Variants in PTPRG observed in about 807,000 individuals in gnomAD.
PTPRG encodes protein tyrosine phosphatase receptor type G.
Under a neutral mutation model 165.3 loss-of-function variants are expected in PTPRG, and 102 were observed. That is an observed-to-expected ratio of 0.62 (90% CI 0.53 to 0.73). PTPRG has a LOEUF of 0.73. Ranked by LOEUF, PTPRG falls within the 30% of genes least tolerant of loss-of-function variation. The pLI is 0.00. For missense variants in PTPRG, 1,866 were observed against 1,861.4 expected, an observed-to-expected ratio of 1.00 and a Z score of -0.05; for synonymous variants, 675 against 669.5, an observed-to-expected ratio of 1.01 and a Z score of -0.13.
intron 2 of PTPRG, among the ~76,000 whole-genome samples, chr3:61,883,171 A>G (rs2037936375): frequency 6.6e-6 from 1 of 152,198 alleles, no homozygotes; most frequent in Non-Finnish European, 1.5e-5. Flanking sequence ...TTATCATTGT[A>G]AAGGTTTATC....
intron 2 of PTPRG, chr3:61,749,184 A>G (rs1469665667): frequency 1.0e-5 from 7 of 674,414 alleles, no homozygotes; most frequent in Non-Finnish European, 1.6e-5. Context: ...TGTTTCCTCA[A>G]CCTGTTTTCC....
intron 2 of PTPRG, among the ~76,000 whole-genome samples, chr3:61,939,812 C>T (rs1279894618): frequency 6.6e-6 from 1 of 151,432 alleles, no homozygotes; most frequent in African/African-American, 2.4e-5. Context: ...GCTCCATGGG[C>T]TTTGCAATGT....
Position 62,203,598 on chromosome 3 carries a change from G to A in PTPRG, c.1803G>A (p.Lys601=), listed in dbSNP as rs1700148804. ...GGGAGCACGAGGAGGATGGAGAGAA[G>A]GACTCCGAAAAGAAGGAGAAGAGTG... is the stretch of plus-strand genomic sequence containing the variant. ...GEREHEEDGE[K]DSEKKEKSGV... is the part of the protein sequence containing the mutation. Residue 601 remains lysine, a synonymous_variant, in exon 12 of 30, where the codon AAG becomes AAA. Transcript: ENST00000474889. The surrounding 1 kb of genome is among the most constrained non-coding windows in gnomAD (Gnocchi z 6.4). The A allele has an allele frequency of 1.3e-6, 2 of 1,552,774 alleles. No homozygotes were observed. Among genetic ancestry groups the A allele is most frequent in the East Asian group, 4.9e-5 (2 of 41,008 alleles).
intron 7 of PTPRG, among the ~76,000 whole-genome samples, chr3:62,165,386 G>A (rs560558977): frequency 6.6e-6 from 1 of 152,214 alleles, no homozygotes; most frequent in Non-Finnish European, 1.5e-5. Context: ...GTCCTGTCAA[G>A]TGAGTTCATA....
intron 4 of PTPRG, among the ~76,000 whole-genome samples, chr3:62,018,373 T>C (rs1211819729): frequency 6.6e-6 from 1 of 152,228 alleles, no homozygotes; most frequent in Non-Finnish European, 1.5e-5. Flanking sequence ...GTGGATATGA[T>C]GCCTCTCCAT....
intron 1 of PTPRG, among the ~76,000 whole-genome samples, chr3:61,572,717 T>C (rs1273343652): frequency 6.6e-6 from 1 of 151,820 alleles, no homozygotes; most frequent in Non-Finnish European, 1.5e-5. Flanking sequence ...TCTTGAAAAA[T>C]AGGAAGGTCT....
intron 5 of PTPRG, among the ~76,000 whole-genome samples, chr3:62,099,459 A>G (rs887628876): frequency 4.6e-5 from 7 of 152,252 alleles, no homozygotes; most frequent in African/African-American, 7.2e-5. Context: ...TTAGGAAAAA[A>G]ACACAAATGC....
At chr3:62,040,361 A>G (rs1291266779) in intron 4 of PTPRG, among the ~76,000 whole-genome samples, 1 of 152,222 alleles carries the variant, frequency 6.6e-6, no homozygotes, top group African/African-American at 2.4e-5. Context: ...GTGGGTAATG[A>G]TGAAGACATG....
intron 2 of PTPRG, among the ~76,000 whole-genome samples, chr3:61,764,807 A>G (rs536301395): frequency 6.6e-6 from 1 of 152,360 alleles, no homozygotes; most frequent in East Asian, 1.9e-4. Flanking sequence ...CTAGAGAAGT[A>G]GTTCTCAAGT....
chr3:62,111,213 A>C (rs532293724), intron 5 of PTPRG, among the ~76,000 whole-genome samples: 3 of 152,202 alleles, frequency 2.0e-5, no homozygotes, highest in Admixed American at 1.3e-4. Flanking sequence ...AGTTAAGTCA[A>C]ATCAACAGGC....
chr3:61,811,829 T>C (rs2035587027), intron 2 of PTPRG, among the ~76,000 whole-genome samples: 1 of 152,202 alleles, frequency 6.6e-6, no homozygotes, highest in African/African-American at 2.4e-5. Context: ...CAGCATACCT[T>C]GCCTGTTATT....
At chr3:61,563,703 A>G (rs1402373273) in intron 1 of PTPRG, among the ~76,000 whole-genome samples, 1 of 152,220 alleles carries the variant, frequency 6.6e-6, no homozygotes, top group African/African-American at 2.4e-5. Context: ...GCCTGGTTAC[A>G]GACGCCTGTC....
At chr3:61,724,350 T>C (rs2032172293) in intron 1 of PTPRG, among the ~76,000 whole-genome samples, 1 of 152,144 alleles carries the variant, frequency 6.6e-6, no homozygotes, top group Non-Finnish European at 1.5e-5. Flanking sequence ...TGTAAAGTAG[T>C]ATTCTGTGGC....
chr3:62,259,325 C>G (rs1400904923), intron 16 of PTPRG, among the ~76,000 whole-genome samples: 1 of 152,152 alleles, frequency 6.6e-6, no homozygotes, highest in Non-Finnish European at 1.5e-5. Context: ...AATCTTTTGG[C>G]TTCCCTAGGC....
At chr3:62,163,142 C>T (rs918035724) in intron 7 of PTPRG, among the ~76,000 whole-genome samples, 2 of 152,082 alleles carry the variant, frequency 1.3e-5, no homozygotes, top group Non-Finnish European at 2.9e-5. Flanking sequence ...AGGGAAATTC[C>T]GTCCCCATGA....
chr3:62,058,098 A>T (rs1211039837), intron 4 of PTPRG, among the ~76,000 whole-genome samples: 1 of 152,176 alleles, frequency 6.6e-6, no homozygotes. Flanking sequence ...GCTAGTATGG[A>T]TGTGCTTCCC....
At chr3:61,576,500 A>G (rs567551378) in intron 1 of PTPRG, among the ~76,000 whole-genome samples, 33 of 152,316 alleles carry the variant, frequency 2.2e-4, no homozygotes, top group Non-Finnish European at 2.1e-4. Context: ...ATTTGAGCCA[A>G]TGGTCCCCAT....
At chr3:62,078,321 A>G (rs1701459552) in intron 5 of PTPRG, 63 bp downstream of exon 5, 5 of 1,188,918 alleles carry the variant, frequency 4.2e-6, no homozygotes, top group Non-Finnish European at 6.1e-6. Flanking sequence ...AATTTGCCGA[A>G]TTGTTCCATG....
chr3:61,767,180 G>T (rs1420462313), intron 2 of PTPRG, among the ~76,000 whole-genome samples: 1 of 139,234 alleles, frequency 7.2e-6, no homozygotes. Context: ...AGAGACAGAG[G>T]TTGCAGTGAG....
Sources: gnomAD v4.1 joint callset for allele counts (sites outside exome capture counted in the v4.1 genomes callset) on GRCh38, gnomAD v4.1.1 for gene constraint, Gnocchi (gnomAD v3.1) non-coding constraint, MANE v1.5 for transcripts, NCBI Gene and HGNC (gene_info 2026-07-23, HGNC 2026-07-21) for gene names.